The following MEF2C variants were observed in gnomAD, a reference collection of about 807,000 sequenced individuals.
The protein encoded by MEF2C is myocyte-specific enhancer factor 2C.
Under a neutral mutation model 50.5 loss-of-function variants are expected in MEF2C, and 6 were observed. That is an observed-to-expected ratio of 0.12 (90% CI 0.07 to 0.23). MEF2C has a LOEUF of 0.23. MEF2C is among the 10% of genes least tolerant of loss of function. MEF2C has a pLI of 1.00. For synonymous variants in MEF2C, 183 were observed against 228.0 expected, an observed-to-expected ratio of 0.80 and a Z score of 1.78; for missense variants, 276 against 605.0, an observed-to-expected ratio of 0.46 and a Z score of 5.70.
intron 1 of MEF2C, among the ~76,000 whole-genome samples, chr5:88,862,272 C>T (rs1825758791): frequency 6.6e-6 from 1 of 152,066 alleles, no homozygotes; most frequent in South Asian, 2.1e-4. Flanking sequence ...TTTTTATTTT[C>T]CTGTCATGTC....
intron 7 of MEF2C, 87 bp downstream of exon 7, chr5:88,731,642 G>A: frequency 8.4e-7 from 1 of 1,186,632 alleles, no homozygotes; most frequent in Non-Finnish European, 1.2e-6. Flanking sequence ...AGAATGTTAA[G>A]TAATTCATCA....
intron 1 of MEF2C, among the ~76,000 whole-genome samples, chr5:88,867,835 A>T (rs1827917656): frequency 6.6e-6 from 1 of 152,224 alleles, no homozygotes; most frequent in Non-Finnish European, 1.5e-5. Context: ...ATGCAGATGG[A>T]AAAAGGATAC....
chr5:88,887,883 T>A (rs1237842492), upstream of MEF2C, among the ~76,000 whole-genome samples: 1 of 152,222 alleles, frequency 6.6e-6, no homozygotes, highest in Admixed American at 6.5e-5. Context: ...ATTTGCAATA[T>A]ACAAAGGATT....
chr5:88,781,010 G>A, intron 3 of MEF2C: 2 of 882,066 alleles, frequency 2.3e-6, no homozygotes, highest in Non-Finnish European at 2.7e-6. Context: ...ATTTGGCAGA[G>A]TTCCACTTTT....
chr5:88,742,381 G>A, intron 6 of MEF2C: 1 of 984,594 alleles, frequency 1.0e-6, no homozygotes, highest in Non-Finnish European at 1.2e-6. Flanking sequence ...GTATTTCAGG[G>A]GGAAATATTA....
At chr5:88,723,012 A>G in intron 10 of MEF2C, 87 bp from the exon 11 acceptor site, 1 of 1,139,114 alleles carries the variant, frequency 8.8e-7, no homozygotes, top group Non-Finnish European at 1.2e-6. Flanking sequence ...CAGCTTAAAG[A>G]CTCGCATAGA....
chr5:88,733,941 C>T, intron 6 of MEF2C: 4 of 985,076 alleles, frequency 4.1e-6, no homozygotes, highest in Non-Finnish European at 4.8e-6. Flanking sequence ...TATGACAAAC[C>T]CCCAAATTTT....
At chr5:88,881,942 C>T (rs1008707401) in intron 1 of MEF2C, among the ~76,000 whole-genome samples, 1 of 152,112 alleles carries the variant, frequency 6.6e-6, no homozygotes, top group Admixed American at 6.6e-5. Flanking sequence ...CTACTGTCAG[C>T]ATTTACATAT....
chr5:88,801,377 C>G (rs1425742534), intron 3 of MEF2C, among the ~76,000 whole-genome samples: 1 of 152,176 alleles, frequency 6.6e-6, no homozygotes, highest in Non-Finnish European at 1.5e-5. Context: ...TATGGTAGAT[C>G]CATTCTAAGA....
intron 2 of MEF2C, 93 bp from the exon 3 acceptor site, chr5:88,804,894 GGT>G (rs1799752260): frequency 3.0e-6 from 3 of 1,009,262 alleles, no homozygotes; most frequent in Non-Finnish European, 4.4e-6. Flanking sequence ...ACAAAACAAT[GGT>G]GTGTAGTTGT....
intron 10 of MEF2C, among the ~76,000 whole-genome samples, chr5:88,727,992 G>A (rs928713413): frequency 2.6e-4 from 40 of 151,756 alleles, no homozygotes; most frequent in African/African-American, 9.2e-4. Context: ...GTACTAGTTA[G>A]TATTATATAC....
intron 6 of MEF2C, chr5:88,748,663 G>A: frequency 1.7e-6 from 1 of 576,698 alleles, no homozygotes; most frequent in Non-Finnish European, 2.2e-6. Context: ...TTTTCTTTAT[G>A]TACTCTTCTT....
chr5:88,820,851 T>G (rs1807998581), intron 2 of MEF2C, among the ~76,000 whole-genome samples: 1 of 152,024 alleles, frequency 6.6e-6, no homozygotes, highest in Non-Finnish European at 1.5e-5. Context: ...AAATGACTCT[T>G]ACAACTGCTC....
chr5:88,865,066 A>T (rs1826858122), intron 1 of MEF2C, among the ~76,000 whole-genome samples: 1 of 148,500 alleles, frequency 6.7e-6, no homozygotes, highest in South Asian at 2.1e-4. Context: ...CTGGCCATTT[A>T]AAAAAAAAAA....
At chr5:88,738,056 A>G in intron 6 of MEF2C, 1 of 985,322 alleles carries the variant, frequency 1.0e-6, no homozygotes. Flanking sequence ...CGCAGAGAGA[A>G]AGGTTTACAG....
At chr5:88,780,820 A>G in intron 3 of MEF2C, 1 of 985,384 alleles carries the variant, frequency 1.0e-6, no homozygotes, top group Non-Finnish European at 1.2e-6. Flanking sequence ...ATTGTCTTGA[A>G]ATCTCAATCA....
rs1261766722 is a variant in MEF2C, at chr5:88,859,167, GAAAATAACAAGCATTTAA to G, written c.-143+23770_-143+23787del. Among the ~76,000 whole-genome samples the G allele has an allele frequency of 2.0e-5, 3 of 152,158 alleles. No individual in the cohort carries two copies. The East Asian group carries it at 5.8e-4, about 29-fold the overall frequency. ...ACTAGGTATTTGTGGGTTCATGTGA[GAAAATAACAAGCATTTAA>G]AAAACTCTTTCCATGAAAAAATAAA... On this transcript the variant is annotated intron_variant, in intron 1 of 10. Coordinates refer to ENST00000504921, the MANE Select transcript of MEF2C (RefSeq NM_002397.5).
Position 88,721,471 on chromosome 5 carries a change from A to C in MEF2C, c.*1133T>G, listed in dbSNP as rs1254401532. On this transcript the variant is annotated 3_prime_UTR_variant, in exon 11 of 11. Coordinates refer to ENST00000504921, the MANE Select transcript of MEF2C (RefSeq NM_002397.5). ...TTTGACAGCTGACCTTAAACTTATA[A>C]AATGTAAGCAGAGTAAAAGAAAACA... is the stretch of plus-strand genomic sequence containing the variant. 6.6e-6 allele frequency: 1 copy of C among 152,614 alleles called. No individual in the cohort carries two copies. The highest frequency in any genetic ancestry group is 1.5e-5 in the Non-Finnish European group (1 of 68,028). The allele number at this position is 152,614 out of a possible 1,614,324, so 9.5% of individuals were successfully genotyped here.
intron 1 of MEF2C, among the ~76,000 whole-genome samples, chr5:88,864,572 T>C (rs1474037868): frequency 4.0e-5 from 6 of 151,104 alleles, no homozygotes; most frequent in Admixed American, 4.0e-4. Context: ...TAAATATACA[T>C]AAATACACAA....
Sources: gnomAD v4.1 joint callset for allele counts (sites outside exome capture counted in the v4.1 genomes callset) on GRCh38, gnomAD v4.1.1 for gene constraint, MANE v1.5 for transcripts, NCBI Gene and HGNC (gene_info 2026-07-23, HGNC 2026-07-21) for gene names.